Variants in DAPK2 observed in about 807,000 individuals in gnomAD.
DAPK2 encodes the protein death-associated protein kinase 2.
A neutral mutation model predicts 44.1 loss-of-function variants in DAPK2; 35 were observed. The observed-to-expected ratio is 0.79, with a 90% CI of 0.61 to 1.05. The LOEUF (loss-of-function observed/expected upper bound fraction) is 1.05, where lower values mean the gene tolerates loss of function less well. Ranked by LOEUF, DAPK2 falls within the 50% of genes least tolerant of loss-of-function variation. DAPK2 has a pLI of 0.00. For missense variants in DAPK2, 453 were observed against 483.2 expected, an observed-to-expected ratio of 0.94 and a Z score of 0.59; for synonymous variants, 174 against 182.6, an observed-to-expected ratio of 0.95 and a Z score of 0.38.
At chr15:63,968,546 C>T (rs1412982595) in intron 3 of DAPK2, among the ~76,000 whole-genome samples, 1 of 152,178 alleles carries the variant, frequency 6.6e-6, no homozygotes, top group Non-Finnish European at 1.5e-5. Context: ...CTATGGGGCC[C>T]ACAACACTGT....
intron 4 of DAPK2, chr15:63,932,462 GTC>G (rs1303112980): frequency 3.2e-5 from 1 of 31,048 alleles, no homozygotes; most frequent in Non-Finnish European, 5.4e-5. Context: ...ACAAAACTCC[GTC>G]TCAAAAAAAA....
rs185704375 is a variant in DAPK2 at position 63,961,098 on chromosome 15, G to A, written c.453+10325C>T. Among the ~76,000 whole-genome samples the A allele has an allele frequency of 1.3e-3, 197 of 152,274 alleles. 1 individual carries two copies. The highest frequency in any genetic ancestry group is 4.1e-3 in the African/African-American group (170 of 41,556). On this transcript the variant is annotated intron_variant, in intron 3 of 10. Transcript: ENST00000261891. The stretch of plus-strand genomic sequence containing the variant: ...GTTGAATTGATCCCTTTACCATTAC[G>A]TAATGGCCTTCTTTGTCTCTTTTGA...
At chr15:63,952,279 C>T (rs777961631) in intron 3 of DAPK2, among the ~76,000 whole-genome samples, 4 of 152,108 alleles carry the variant, frequency 2.6e-5, no homozygotes, top group Non-Finnish European at 5.9e-5. Flanking sequence ...ACAACGGAAG[C>T]AGAAAGGCAG....
intron 1 of DAPK2, among the ~76,000 whole-genome samples, chr15:63,986,778 G>C (rs2078678610): frequency 6.6e-6 from 1 of 152,212 alleles, no homozygotes; most frequent in Non-Finnish European, 1.5e-5. Flanking sequence ...CTCACCCTGA[G>C]AGATTCTGAT....
chr15:63,973,820 AC>A (rs1204345148), intron 2 of DAPK2, among the ~76,000 whole-genome samples: 1 of 152,200 alleles, frequency 6.6e-6, no homozygotes. Flanking sequence ...TGTGCCAGAA[AC>A]TAAAGACCTA....
intron 1 of DAPK2, among the ~76,000 whole-genome samples, chr15:64,038,372 C>T (rs1567291581): frequency 6.6e-6 from 1 of 152,160 alleles, no homozygotes; most frequent in Non-Finnish European, 1.5e-5. Context: ...GGTTTGTTGC[C>T]GAGAATGGCA....
At chr15:63,975,608 T>TC (rs1169707618) in intron 2 of DAPK2, among the ~76,000 whole-genome samples, 2 of 151,358 alleles carry the variant, frequency 1.3e-5, no homozygotes, top group East Asian at 1.9e-4. Flanking sequence ...TCTTTTCTTT[T>TC]TTTTTTTTGA....
At chr15:63,957,709 GTA>G (rs1372315975) in intron 3 of DAPK2, among the ~76,000 whole-genome samples, 1 of 152,058 alleles carries the variant, frequency 6.6e-6, no homozygotes, top group Non-Finnish European at 1.5e-5. Flanking sequence ...TGGCTGCATA[GTA>G]TTCCACGGTG....
At chr15:63,968,520 G>C (rs2078118266) in intron 3 of DAPK2, among the ~76,000 whole-genome samples, 1 of 152,130 alleles carries the variant, frequency 6.6e-6, no homozygotes, top group Non-Finnish European at 1.5e-5. Flanking sequence ...GTACTCACAG[G>C]GTTTGTTTTC....
intron 1 of DAPK2, among the ~76,000 whole-genome samples, chr15:64,045,902 G>A (rs1406766506): frequency 6.6e-6 from 1 of 152,240 alleles, no homozygotes; most frequent in Admixed American, 6.5e-5. Context: ...ACATCCTTGT[G>A]CCAGGCGGGA....
chr15:63,938,057 A>T (rs980653355), intron 4 of DAPK2, among the ~76,000 whole-genome samples: 6 of 152,228 alleles, frequency 3.9e-5, no homozygotes, highest in African/African-American at 7.2e-5. Flanking sequence ...CCAGCCTGCC[A>T]TCTCCACGTG....
At chr15:63,963,119 C>T (rs1595809469) in intron 3 of DAPK2, among the ~76,000 whole-genome samples, 2 of 152,322 alleles carry the variant, frequency 1.3e-5, no homozygotes, top group Admixed American at 1.3e-4. Context: ...TAGCAGTGAG[C>T]AAGGCTCTGT....
At position 63,929,789 on chromosome 15, in the gene DAPK2, A is replaced by G. The variant is rs766248738; in HGVS notation, c.633-212T>C. 51 of 684,132 alleles carry G rather than the reference A, an allele frequency of 7.5e-5. No homozygotes were observed. In the East Asian group the frequency reaches 1.4e-3, roughly 19 times the overall value. The allele number at this position is 684,132 out of a possible 1,614,324, so 42.4% of individuals were successfully genotyped here. On this transcript the variant is annotated intron_variant, in intron 5 of 10. Transcript: ENST00000261891. ...ATCGAGCTCTGAACCCTGAGTCCGAAGACCCAAGTTCAAGATCAGACTCCT... is the reference window on the plus strand; with the variant it reads ...ATCGAGCTCTGAACCCTGAGTCCGAGGACCCAAGTTCAAGATCAGACTCCT...
At chr15:64,019,503 A>G (rs2079624201) in intron 1 of DAPK2, among the ~76,000 whole-genome samples, 1 of 152,226 alleles carries the variant, frequency 6.6e-6, no homozygotes, top group Non-Finnish European at 1.5e-5. Context: ...GACTCTTCAG[A>G]AAGAATTATC....
chr15:64,005,258 C>A (rs1368685000), intron 1 of DAPK2, among the ~76,000 whole-genome samples: 2 of 151,934 alleles, frequency 1.3e-5, no homozygotes, highest in African/African-American at 4.8e-5. Flanking sequence ...TAGCTCAGGG[C>A]AAGTCATCCT....
intron 3 of DAPK2, among the ~76,000 whole-genome samples, chr15:63,950,147 T>C (rs906161243): frequency 3.3e-5 from 5 of 152,224 alleles, no homozygotes; most frequent in South Asian, 2.1e-4. Context: ...TTCAAATGTA[T>C]GCACATTCTA....
intron 3 of DAPK2, among the ~76,000 whole-genome samples, chr15:63,948,603 G>A (rs1226522991): frequency 2.6e-5 from 4 of 152,042 alleles, no homozygotes; most frequent in Admixed American, 1.3e-4. Context: ...AATTCAACAC[G>A]AGATTTAGGT....
intron 3 of DAPK2, among the ~76,000 whole-genome samples, chr15:63,963,840 A>G (rs1013646090): frequency 6.6e-6 from 1 of 152,232 alleles, no homozygotes; most frequent in African/African-American, 2.4e-5. Flanking sequence ...GAAAACTAAT[A>G]AAAACTCTAC....
At chr15:63,960,032 G>A (rs951782822) in intron 3 of DAPK2, among the ~76,000 whole-genome samples, 4 of 152,200 alleles carry the variant, frequency 2.6e-5, no homozygotes, top group Non-Finnish European at 2.9e-5. Context: ...CAATTTCAGA[G>A]CCTGTTATTG....
Sources: gnomAD v4.1 joint callset for allele counts (sites outside exome capture counted in the v4.1 genomes callset) on GRCh38, gnomAD v4.1.1 for gene constraint, MANE v1.5 for transcripts, NCBI Gene and HGNC (gene_info 2026-07-23, HGNC 2026-07-21) for gene names.